Variants in CCDC171 observed in about 807,000 individuals in gnomAD.
CCDC171 encodes coiled-coil domain-containing protein 171.
In CCDC171, 177 loss-of-function variants were observed where a neutral mutation model predicts 168.2. That is an observed-to-expected ratio of 1.05 (90% CI 0.93 to 1.19). The LOEUF is 1.19. Among genes scored for constraint, CCDC171 ranks in the 50% most tolerant of loss-of-function variants. CCDC171 has a pLI of 0.00. For missense variants in CCDC171, 1,991 were observed against 1,539.0 expected (o/e 1.29, Z -4.91); for synonymous variants, 687 against 540.8 (o/e 1.27, Z -3.75).
chr9:15,768,788 A>T (rs773640437), intron 18 of CCDC171, among the ~76,000 whole-genome samples: 2 of 152,196 alleles, frequency 1.3e-5, no homozygotes. Flanking sequence ...TATAATAATG[A>T]TATCATTTCA....
the CCDC171 span, among the ~76,000 whole-genome samples, chr9:16,072,805 C>T: frequency 1.3e-5 from 2 of 152,172 alleles, no homozygotes; most frequent in African/African-American, 4.8e-5. Context: ...GGCCATCTTC[C>T]CTGAGATACC....
At chr9:15,851,534 C>G (rs1218100100) in intron 23 of CCDC171, among the ~76,000 whole-genome samples, 3 of 151,934 alleles carry the variant, frequency 2.0e-5, no homozygotes. Flanking sequence ...ACACCCTTCT[C>G]TCTTGAGTTG....
chr9:15,763,135 G>C (rs2135124811), intron 18 of CCDC171, among the ~76,000 whole-genome samples: 1 of 152,320 alleles, frequency 6.6e-6, no homozygotes. Context: ...AAACAAATTA[G>C]AATCAGCCAA....
At chr9:15,906,350 G>A (rs531847435) in intron 24 of CCDC171, among the ~76,000 whole-genome samples, 2 of 152,284 alleles carry the variant, frequency 1.3e-5, no homozygotes, top group East Asian at 3.9e-4. Context: ...TCATCCCTGG[G>A]ATGCAAAGCT....
chr9:16,006,287 C>T (rs147669248), intron 3 of CCDC171, among the ~76,000 whole-genome samples: 1 of 152,154 alleles, frequency 6.6e-6, no homozygotes, highest in African/African-American at 2.4e-5. Flanking sequence ...TTTTATTGTA[C>T]TCATCCTAGT....
At chr9:15,676,656 C>T (rs2049592578) in intron 9 of CCDC171, among the ~76,000 whole-genome samples, 1 of 151,884 alleles carries the variant, frequency 6.6e-6, no homozygotes, top group African/African-American at 2.4e-5. Flanking sequence ...AATCTTGTGC[C>T]TTATTCTTTA....
chr9:15,765,736 G>A (rs2056686512), intron 18 of CCDC171, among the ~76,000 whole-genome samples: 2 of 152,158 alleles, frequency 1.3e-5, no homozygotes, highest in Admixed American at 6.5e-5. Flanking sequence ...TCAGGCCATA[G>A]GAGGTTTTTA....
intron 25 of CCDC171, among the ~76,000 whole-genome samples, chr9:15,959,295 A>G (rs1267266935): frequency 6.6e-6 from 1 of 152,192 alleles, no homozygotes; most frequent in Non-Finnish European, 1.5e-5. Context: ...AGGTCTTACC[A>G]TATGGATTCT....
intron 21 of CCDC171, among the ~76,000 whole-genome samples, chr9:15,810,066 C>T (rs1407920444): frequency 6.6e-6 from 1 of 152,124 alleles, no homozygotes; most frequent in East Asian, 1.9e-4. Flanking sequence ...ATTGGTGCAT[C>T]CACTAACCCC....
At chr9:16,074,641 C>G in the CCDC171 span, among the ~76,000 whole-genome samples, 1 of 152,096 alleles carries the variant, frequency 6.6e-6, no homozygotes, top group African/African-American at 2.4e-5. Flanking sequence ...GAAAGAACAT[C>G]TCATCTAAGA....
intron 3 of CCDC171, among the ~76,000 whole-genome samples, chr9:16,010,186 T>G (rs527336401): frequency 6.6e-6 from 1 of 152,276 alleles, no homozygotes; most frequent in East Asian, 1.9e-4. Context: ...GGGGAGGTTT[T>G]GCCTCTCCAT....
intron 3 of CCDC171, among the ~76,000 whole-genome samples, chr9:15,998,230 A>G (rs1172341172): frequency 6.6e-6 from 1 of 152,156 alleles, no homozygotes; most frequent in Non-Finnish European, 1.5e-5. Flanking sequence ...AGAGCTGTCT[A>G]ATTCAGTATA....
chr9:15,642,152 CTCTGTCTCAA>C (rs2046661535), intron 7 of CCDC171, among the ~76,000 whole-genome samples: 2 of 151,208 alleles, frequency 1.3e-5, no homozygotes, highest in Admixed American at 1.3e-4. Context: ...CAGAGTGAGA[CTCTGTCTCAA>C]AAACAAAAAA....
chr9:15,767,768 T>G (rs1262746357), intron 18 of CCDC171, among the ~76,000 whole-genome samples: 3 of 148,492 alleles, frequency 2.0e-5, no homozygotes, highest in Non-Finnish European at 4.5e-5. Flanking sequence ...TCCTTGGGCC[T>G]TTCTGTTCAG....
chr9:15,809,626 C>A (rs947874495), intron 21 of CCDC171, among the ~76,000 whole-genome samples: 3 of 149,176 alleles, frequency 2.0e-5, no homozygotes, highest in Non-Finnish European at 4.4e-5. Context: ...GTTCATTCTT[C>A]CTGTCCGGAG....
chr9:15,781,265 A>C (rs1313204740), intron 20 of CCDC171, among the ~76,000 whole-genome samples: 1 of 152,188 alleles, frequency 6.6e-6, no homozygotes, highest in Non-Finnish European at 1.5e-5. Context: ...TCTAGAGAGA[A>C]GATTAGAGTT....
At chr9:15,967,950 A>G (rs923825064) in intron 25 of CCDC171, among the ~76,000 whole-genome samples, 1 of 152,246 alleles carries the variant, frequency 6.6e-6, no homozygotes, top group African/African-American at 2.4e-5. Flanking sequence ...TTATTATTAG[A>G]CTAATGCTTT....
At chr9:15,989,233 C>A (rs1161931427) in intron 3 of CCDC171, among the ~76,000 whole-genome samples, 1 of 152,150 alleles carries the variant, frequency 6.6e-6, no homozygotes, top group Non-Finnish European at 1.5e-5. Flanking sequence ...GACGAAGCTT[C>A]CAGAGGAACA....
chr9:16,102,429 T>C, the CCDC171 span, among the ~76,000 whole-genome samples: 1 of 148,388 alleles, frequency 6.7e-6, no homozygotes, highest in Non-Finnish European at 1.5e-5. Flanking sequence ...TCAGCCAAAG[T>C]TCATTATGGA....
Sources: gnomAD v4.1 joint callset for allele counts (sites outside exome capture counted in the v4.1 genomes callset) on GRCh38, gnomAD v4.1.1 for gene constraint, MANE v1.5 for transcripts, NCBI Gene and HGNC (gene_info 2026-07-23, HGNC 2026-07-21) for gene names.